MSN: variants seen among roughly 807,000 people sequenced by gnomAD.
MSN encodes epididymis luminal protein 70.
A neutral mutation model predicts 48.0 loss-of-function variants in MSN; 2 were observed. The ratio of observed to expected loss-of-function variants is 0.04; its 90% confidence interval spans 0.02 to 0.13. MSN has a LOEUF of 0.13. Among genes scored for constraint, MSN ranks in the 10% least tolerant of loss-of-function variants. The pLI, the probability that MSN is intolerant of heterozygous loss-of-function variation, is 1.00. For synonymous variants in MSN, 146 were observed against 166.9 expected (o/e 0.87, Z 0.97); for missense variants, 267 against 470.1 (o/e 0.57, Z 3.99).
chrX:65,722,536 C>T (rs1175573365), intron 2 of MSN, among the ~76,000 whole-genome samples: 1 of 109,723 alleles, frequency 9.1e-6, no homozygotes, highest in Non-Finnish European at 1.9e-5. Flanking sequence ...GTGATCCTCC[C>T]ACTTCAGCCT....
upstream of MSN, among the ~76,000 whole-genome samples, chrX:65,666,867 G>A (rs779994473): frequency 1.8e-4 from 20 of 111,619 alleles, no homozygotes; most frequent in African/African-American, 6.5e-4. Context: ...CAAACCCCAA[G>A]GGTGTGGACT....
chrX:65,656,996 T>C (rs150592479), intron 1 of MSN, among the ~76,000 whole-genome samples: 2,433 of 111,396 alleles, frequency 0.022, 66 homozygotes, highest in African/African-American at 0.076. Context: ...CAAATGACCA[T>C]GTGGAGGCTG....
intron 1 of MSN, among the ~76,000 whole-genome samples, chrX:65,668,970 C>T (rs2070902804): frequency 9.0e-6 from 1 of 110,811 alleles, no homozygotes; most frequent in Non-Finnish European, 1.9e-5. Flanking sequence ...CTGAAGGTCC[C>T]CTGGGATGAG....
chrX:65,640,807 A>C (rs1040259736), intron 1 of MSN, among the ~76,000 whole-genome samples: 1 of 111,424 alleles, frequency 9.0e-6, no homozygotes. Context: ...TGTATTAATA[A>C]TTTTATAATC....
intron 6 of MSN, 115 bp downstream of exon 6, chrX:65,732,099 AT>A: frequency 1.2e-6 from 1 of 816,714 alleles, no homozygotes; most frequent in Non-Finnish European, 1.7e-6. Context: ...TTTCTACCTA[AT>A]TTAGTCCAGC....
intron 1 of MSN, among the ~76,000 whole-genome samples, chrX:65,609,317 C>A: frequency 9.1e-6 from 1 of 110,112 alleles, no homozygotes; most frequent in Non-Finnish European, 1.9e-5. Flanking sequence ...GGTTTCCATG[C>A]CTACCCTGGG....
At chrX:65,637,746 T>A (rs918805241) in intron 1 of MSN, among the ~76,000 whole-genome samples, 2 of 110,641 alleles carry the variant, frequency 1.8e-5, no homozygotes, top group African/African-American at 6.6e-5. Flanking sequence ...AGGCTGGTCT[T>A]GGACTCCTGG....
intron 1 of MSN, among the ~76,000 whole-genome samples, chrX:65,651,429 A>G (rs2070740914): frequency 9.1e-6 from 1 of 109,530 alleles, no homozygotes; most frequent in African/African-American, 3.3e-5. Flanking sequence ...ACAAGTAAAT[A>G]CACAGATAAA....
intron 1 of MSN, among the ~76,000 whole-genome samples, chrX:65,618,314 G>T (rs1330345363): frequency 1.8e-5 from 2 of 111,063 alleles, no homozygotes. Context: ...GGGTGTTAAA[G>T]TCTCCCATTA....
chrX:65,647,292 A>G (rs1316035280), intron 1 of MSN, among the ~76,000 whole-genome samples: 1 of 105,580 alleles, frequency 9.5e-6, no homozygotes, highest in Non-Finnish European at 1.9e-5. Context: ...GCTCACTGCA[A>G]CCTCCACCTC....
chrX:65,588,407 G>A (rs1030685058), exon 1 of MSN: 10 of 244,727 alleles, frequency 4.1e-5, no homozygotes, highest in East Asian at 9.4e-5. Flanking sequence ...AAGAAGAGGC[G>A]CCCGGAAAAC....
chrX:65,713,946 A>T (rs1476162082), intron 1 of MSN, among the ~76,000 whole-genome samples: 5 of 111,197 alleles, frequency 4.5e-5, no homozygotes, highest in Non-Finnish European at 9.4e-5. Context: ...TGCCTGGCTA[A>T]TTTTTGTGTT....
At chrX:65,642,565 A>G (rs2070665484) in intron 1 of MSN, among the ~76,000 whole-genome samples, 1 of 111,965 alleles carries the variant, frequency 8.9e-6, no homozygotes, top group Non-Finnish European at 1.9e-5. Flanking sequence ...GTAGGCTGAG[A>G]GGGAGTGGAA....
At chrX:65,649,819 C>A (rs757516344) in intron 1 of MSN, among the ~76,000 whole-genome samples, 2 of 106,931 alleles carry the variant, frequency 1.9e-5, no homozygotes, top group African/African-American at 6.8e-5. Context: ...AAGCAAGGAA[C>A]AAATGAGATA....
chrX:65,615,073 A>G (rs2070356812), intron 1 of MSN, among the ~76,000 whole-genome samples: 1 of 105,707 alleles, frequency 9.5e-6, no homozygotes, highest in Non-Finnish European at 1.9e-5. Context: ...CATGGTGTAT[A>G]TGTGCCACAT....
chrX:65,625,019 C>T (rs1018650442), intron 1 of MSN: 1 of 111,673 alleles, frequency 9.0e-6, no homozygotes, highest in Non-Finnish European at 1.9e-5. Context: ...ATACTCTAAC[C>T]TCCTTTTTAA....
chrX:65,660,310 G>C (rs1158634612), intron 1 of MSN, among the ~76,000 whole-genome samples: 3 of 111,811 alleles, frequency 2.7e-5, no homozygotes, highest in Non-Finnish European at 5.6e-5. Context: ...GTATAGAAAT[G>C]CTACTGATTT....
chrX:65,625,746 T>C (rs2070498630), intron 1 of MSN: 1 of 111,742 alleles, frequency 8.9e-6, no homozygotes, highest in Non-Finnish European at 1.9e-5. Flanking sequence ...GATTGGATGA[T>C]TTAATCAATT....
intron 1 of MSN, among the ~76,000 whole-genome samples, chrX:65,698,231 C>T (rs1439199919): frequency 1.8e-5 from 2 of 111,812 alleles, no homozygotes; most frequent in East Asian, 5.6e-4. Context: ...ACCCCACCCT[C>T]GCACATGGCA....
Sources: allele counts gnomAD v4.1 joint callset (sites outside exome capture counted in the v4.1 genomes callset), GRCh38; gene constraint gnomAD v4.1.1; transcripts MANE v1.5; gene names NCBI Gene and HGNC (gene_info 2026-07-23, HGNC 2026-07-21).